Variants in MATN2 observed in about 807,000 individuals in gnomAD.
MATN2 encodes matrilin-2.
Under a neutral mutation model 103.2 loss-of-function variants are expected in MATN2, and 69 were observed. The ratio of observed to expected loss-of-function variants is 0.67; its 90% confidence interval spans 0.55 to 0.82. The LOEUF (loss-of-function observed/expected upper bound fraction) is 0.82. MATN2 is among the 40% of genes least tolerant of loss of function. The pLI is 0.00. For missense variants in MATN2, 1,023 were observed against 1,211.5 expected, an observed-to-expected ratio of 0.84 and a Z score of 2.31; for synonymous variants, 429 against 450.2, an observed-to-expected ratio of 0.95 and a Z score of 0.60.
In MATN2 at chr8:98,035,710, T is replaced by C. The variant is rs767591853; in HGVS notation, c.2869T>C (p.Ter957ArgextTer9). The C allele has an allele frequency of 5.9e-5, 94 of 1,595,580 alleles. No individual in the cohort carries two copies. The highest frequency in any genetic ancestry group is 3.3e-4 in the Middle Eastern group (2 of 5,992). ...EALENRLRYR[*>R] Reference sequence around the variant, plus strand: ...CCTGGAAAATCGCCTGAGATACAGATGAAGATTAGAAATCGCGACACATTT... The same window carrying C: ...CCTGGAAAATCGCCTGAGATACAGACGAAGATTAGAAATCGCGACACATTT... Residue 957 changes from the stop codon to arginine, a stop_lost, in exon 19 of 19, where the codon TGA becomes CGA. Coordinates refer to ENST00000254898, the MANE Select transcript of MATN2 (RefSeq NM_002380.5).
chr8:97,960,354 A>C (rs62521958), intron 4 of MATN2, among the ~76,000 whole-genome samples: 13,317 of 152,218 alleles, frequency 0.087, 684 homozygotes, highest in Non-Finnish European at 0.12. Flanking sequence ...TCAATGGTAC[A>C]GCTAGCTGTT....
chr8:98,027,857 A>G, intron 14 of MATN2, 28 bp downstream of exon 14: 2 of 1,522,266 alleles, frequency 1.3e-6, no homozygotes, highest in Non-Finnish European at 1.8e-6. Flanking sequence ...TGCGGTTTAC[A>G]CCACTCAAGG....
rs1810174404 is a variant in MATN2 at position 97,931,168 on chromosome 8, G to A, written c.358G>A (p.Val120Met). The A allele has an allele frequency of 6.2e-7, 1 of 1,613,632 alleles. No individual in the cohort carries two copies. Among genetic ancestry groups the A allele is most frequent in the Admixed American group, 1.7e-5 (1 of 60,002 alleles). Reference protein sequence around the residue: ...SLKTFKRKSEVERAVKRMRHL... With the variant: ...SLKTFKRKSEMERAVKRMRHL... ...CAAGACCTTCAAGAGGAAGTCCGAG[G>A]TGGAGCGTGCTGTCAAGAGGATGCG... is the stretch of plus-strand genomic sequence containing the variant. The change falls in exon 3 of 19, where the codon GTG becomes ATG. Residue 120 changes from valine to methionine, a missense_variant. Val to Met is a conservative substitution (Grantham distance 21). Transcript: ENST00000254898. The surrounding 1 kb of genome is among the most constrained non-coding windows in gnomAD (Gnocchi z 4.1).
chr8:97,926,815 T>C (rs1810003490), intron 2 of MATN2, among the ~76,000 whole-genome samples: 1 of 152,254 alleles, frequency 6.6e-6, no homozygotes, highest in Non-Finnish European at 1.5e-5. Flanking sequence ...TCAATCTCTT[T>C]CCCTGAAGAC....
In MATN2 at chr8:97,994,611, C is replaced by A. The variant is rs1482506547; in HGVS notation, c.1204+9C>A. ...TAAGAAAACCTGCAGAAGTAAGTTACAGTGGGAGTTGGAGAAGGGCTTGTT... is the reference window on the plus strand; with the variant it reads ...TAAGAAAACCTGCAGAAGTAAGTTAAAGTGGGAGTTGGAGAAGGGCTTGTT... On this transcript the variant is annotated intron_variant, in intron 7 of 18. Coordinates refer to ENST00000254898, the MANE Select transcript of MATN2 (RefSeq NM_002380.5). 6.2e-7 allele frequency: 1 copy of A among 1,608,188 alleles called. No individual in the cohort carries two copies. The highest frequency in any genetic ancestry group is 1.3e-5 in the African/African-American group (1 of 74,690).
chr8:98,003,579 G>T, intron 7 of MATN2, 82 bp from the exon 8 acceptor site: 2 of 1,547,118 alleles, frequency 1.3e-6, no homozygotes, highest in African/African-American at 1.4e-5. Flanking sequence ...CTCCATGGGG[G>T]CTCATGGGAG....
chr8:97,877,617 T>G (rs529058959), intron 1 of MATN2, among the ~76,000 whole-genome samples: 14 of 152,144 alleles, frequency 9.2e-5, no homozygotes, highest in African/African-American at 3.4e-4. Flanking sequence ...TTCTGCTCCT[T>G]GCCTACTTCA....
chr8:97,916,041 T>TTTTTATTTTATTTTATTTTATTTTA (rs141785984), intron 2 of MATN2, among the ~76,000 whole-genome samples: 4 of 145,212 alleles, frequency 2.8e-5, no homozygotes, highest in Non-Finnish European at 3.0e-5. Flanking sequence ...CTGGCTATGG[T>TTTTTATTTTATTTTATTTTATTTTA]TTTTATTTTA....
intron 2 of MATN2, 84 bp from the exon 3 acceptor site, chr8:97,930,869 G>C: frequency 1.1e-6 from 1 of 869,948 alleles, no homozygotes; most frequent in Non-Finnish European, 1.8e-6. Flanking sequence ...TGATCCACCC[G>C]CCTTCCAAAG....
chr8:97,941,359 A>C, intron 3 of MATN2, among the ~76,000 whole-genome samples: 1 of 152,134 alleles, frequency 6.6e-6, no homozygotes, highest in East Asian at 1.9e-4. Context: ...GTTCTTTAAC[A>C]CATTCTTGCT....
chr8:98,029,877 G>A (rs1813944903), intron 14 of MATN2, among the ~76,000 whole-genome samples: 1 of 152,204 alleles, frequency 6.6e-6, no homozygotes, highest in African/African-American at 2.4e-5. Context: ...GCATATCCCT[G>A]TTGAAATTTA....
chr8:98,006,013 G>C (rs1812955032), intron 8 of MATN2, among the ~76,000 whole-genome samples: 2 of 152,258 alleles, frequency 1.3e-5, no homozygotes, highest in Admixed American at 6.5e-5. Context: ...CCTGCACCAG[G>C]CCTCCAGTGT....
At chr8:97,966,869 G>A (rs932266313) in intron 5 of MATN2, among the ~76,000 whole-genome samples, 1 of 152,174 alleles carries the variant, frequency 6.6e-6, no homozygotes, top group African/African-American at 2.4e-5. Flanking sequence ...TAGGCCATTT[G>A]CGTTGCTATA....
intron 5 of MATN2, among the ~76,000 whole-genome samples, chr8:97,964,242 A>G (rs1811411127): frequency 6.6e-6 from 1 of 152,136 alleles, no homozygotes; most frequent in Non-Finnish European, 1.5e-5. Context: ...TGAGGGCCAG[A>G]AGGCGCTTAT....
chr8:97,989,054 T>C (rs1201548838), intron 6 of MATN2, among the ~76,000 whole-genome samples: 1 of 152,190 alleles, frequency 6.6e-6, no homozygotes, highest in African/African-American at 2.4e-5. Context: ...ACTCAATCAA[T>C]GTAATTCATA....
intron 6 of MATN2, 91 bp from the exon 7 acceptor site, chr8:97,994,389 G>T: frequency 1.4e-6 from 2 of 1,418,266 alleles, no homozygotes; most frequent in Non-Finnish European, 1.9e-6. Flanking sequence ...GATTTTACCT[G>T]TTTGGGAAAA....
chr8:97,987,212 A>C (rs188103917), intron 6 of MATN2, among the ~76,000 whole-genome samples: 28 of 152,262 alleles, frequency 1.8e-4, no homozygotes, highest in Non-Finnish European at 3.7e-4. Context: ...TCCCACCAGC[A>C]GTGTAAACGG....
intron 17 of MATN2, 109 bp downstream of exon 17, chr8:98,033,285 A>G: frequency 1.0e-6 from 1 of 982,272 alleles, no homozygotes. Flanking sequence ...GAAATAGTAT[A>G]GAGGAAAAGA....
intron 2 of MATN2, among the ~76,000 whole-genome samples, chr8:97,906,550 C>T (rs1205078832): frequency 6.6e-6 from 1 of 152,212 alleles, no homozygotes; most frequent in Admixed American, 6.5e-5. Flanking sequence ...ATTGACCAAC[C>T]AGCTACTGAA....
Sources: gnomAD v4.1 joint callset for allele counts (sites outside exome capture counted in the v4.1 genomes callset) on GRCh38, gnomAD v4.1.1 for gene constraint, Gnocchi (gnomAD v3.1) non-coding constraint, MANE v1.5 for transcripts, NCBI Gene and HGNC (gene_info 2026-07-23, HGNC 2026-07-21) for gene names.